ASIC2: variants seen among roughly 807,000 people sequenced by gnomAD.
ASIC2 encodes the protein acid-sensing ion channel 2.
A neutral mutation model predicts 57.3 loss-of-function variants in ASIC2; 25 were observed. That is an observed-to-expected ratio of 0.44 (90% confidence interval 0.32 to 0.61). ASIC2 has a LOEUF of 0.61. ASIC2 is among the 20% of genes least tolerant of loss of function. The pLI is 0.06. For synonymous variants in ASIC2, 319 were observed against 307.5 expected, an observed-to-expected ratio of 1.04 and a Z score of -0.39; for missense variants, 641 against 738.1, an observed-to-expected ratio of 0.87 and a Z score of 1.52.
At chr17:33,343,593 A>C (rs1387663200) in intron 1 of ASIC2, among the ~76,000 whole-genome samples, 2 of 151,976 alleles carry the variant, frequency 1.3e-5, no homozygotes, top group Non-Finnish European at 2.9e-5. Context: ...GTATGTACTC[A>C]AGCCATCTCT....
At chr17:34,004,428 G>A (rs1178445810) in intron 1 of ASIC2, 1 of 152,302 alleles carries the variant, frequency 6.6e-6, no homozygotes, top group African/African-American at 2.4e-5. Flanking sequence ...GGAATTAAGC[G>A]ATCTGTCTTG....
chr17:33,194,114 A>G (rs1184998697), intron 1 of ASIC2, among the ~76,000 whole-genome samples: 1 of 152,048 alleles, frequency 6.6e-6, no homozygotes, highest in Non-Finnish European at 1.5e-5. Context: ...GCCTTCTCAA[A>G]TCATTCTAGG....
intron 1 of ASIC2, chr17:34,080,972 C>G (rs1344205442): frequency 1.3e-5 from 2 of 152,146 alleles, no homozygotes; most frequent in Admixed American, 1.3e-4. Context: ...TGAAGACTCC[C>G]TTCTTCTAAA....
intron 1 of ASIC2, among the ~76,000 whole-genome samples, chr17:33,145,794 A>G (rs1904536767): frequency 6.6e-6 from 1 of 152,156 alleles, no homozygotes; most frequent in African/African-American, 2.4e-5. Flanking sequence ...TCGCCCCATG[A>G]CCAAATAGTC....
At chr17:33,628,824 A>G (rs1906068545) in intron 1 of ASIC2, among the ~76,000 whole-genome samples, 1 of 152,238 alleles carries the variant, frequency 6.6e-6, no homozygotes, top group South Asian at 2.1e-4. Context: ...GAATTTATCA[A>G]TGCCAATGTT....
intron 1 of ASIC2, among the ~76,000 whole-genome samples, chr17:33,388,782 T>C (rs1186698479): frequency 1.3e-5 from 2 of 152,226 alleles, no homozygotes; most frequent in African/African-American, 4.8e-5. Context: ...TGACTTAATA[T>C]AGCAAATGTT....
intron 1 of ASIC2, among the ~76,000 whole-genome samples, chr17:33,449,336 A>C (rs1272006498): frequency 1.3e-5 from 2 of 152,196 alleles, no homozygotes; most frequent in African/African-American, 2.4e-5. Flanking sequence ...ACTCTCTGGC[A>C]GTCAAGATCT....
At chr17:33,956,840 T>A (rs1165447074) in intron 1 of ASIC2, among the ~76,000 whole-genome samples, 1 of 152,226 alleles carries the variant, frequency 6.6e-6, no homozygotes, top group East Asian at 1.9e-4. Context: ...ATGAGCCTGC[T>A]CCTTTTGGTT....
intron 1 of ASIC2, among the ~76,000 whole-genome samples, chr17:33,598,360 G>T (rs1345710543): frequency 6.6e-6 from 1 of 152,220 alleles, no homozygotes; most frequent in Non-Finnish European, 1.5e-5. Context: ...GCCTCCACCA[G>T]CAGGGCTGGT....
chr17:33,170,816 T>C (rs1905487129), intron 1 of ASIC2, among the ~76,000 whole-genome samples: 1 of 152,212 alleles, frequency 6.6e-6, no homozygotes, highest in African/African-American at 2.4e-5. Context: ...TCCCATCAAA[T>C]ATTCACTCTA....
chr17:33,783,682 A>T (rs1911522319), intron 1 of ASIC2, among the ~76,000 whole-genome samples: 1 of 152,178 alleles, frequency 6.6e-6, no homozygotes, highest in Non-Finnish European at 1.5e-5. Flanking sequence ...GTTTGTTTTC[A>T]GAATAGGATA....
intron 1 of ASIC2, among the ~76,000 whole-genome samples, chr17:33,131,239 T>A (rs2092344984): frequency 6.6e-6 from 1 of 152,154 alleles, no homozygotes; most frequent in African/African-American, 2.4e-5. Context: ...GGGATGAGTG[T>A]CTGCATGGCT....
intron 1 of ASIC2, among the ~76,000 whole-genome samples, chr17:33,488,126 C>T (rs1293874453): frequency 6.6e-6 from 1 of 152,168 alleles, no homozygotes; most frequent in Admixed American, 6.5e-5. Flanking sequence ...TATTTTTCTA[C>T]AGAGCTGAGC....
chr17:33,575,270 G>T (rs182357656), intron 1 of ASIC2, among the ~76,000 whole-genome samples: 30 of 152,280 alleles, frequency 2.0e-4, no homozygotes, highest in Non-Finnish European at 3.7e-4. Context: ...TGAGTCCCCA[G>T]GGCTTCTGTA....
chr17:33,943,838 T>G (rs1250611613), intron 1 of ASIC2, among the ~76,000 whole-genome samples: 1 of 152,186 alleles, frequency 6.6e-6, no homozygotes, highest in Non-Finnish European at 1.5e-5. Context: ...GTGAGTATTG[T>G]TATCCCCGTT....
At chr17:33,201,349 A>T (rs1044610469) in intron 1 of ASIC2, among the ~76,000 whole-genome samples, 5 of 152,176 alleles carry the variant, frequency 3.3e-5, no homozygotes, top group Non-Finnish European at 4.4e-5. Context: ...GCAGCCCTCC[A>T]GTAGCCTGGG....
chr17:33,558,397 T>G (rs1407347304), intron 1 of ASIC2, among the ~76,000 whole-genome samples: 1 of 152,252 alleles, frequency 6.6e-6, no homozygotes, highest in Non-Finnish European at 1.5e-5. Context: ...TTGTTCAGTT[T>G]CTGGCTGATG....
At chr17:33,683,386 T>G (rs1035854068) in intron 1 of ASIC2, among the ~76,000 whole-genome samples, 1 of 152,218 alleles carries the variant, frequency 6.6e-6, no homozygotes, top group East Asian at 1.9e-4. Flanking sequence ...TTTTAATTCT[T>G]TTGAAGACAA....
At chr17:33,948,950 A>G (rs1904471662) in intron 1 of ASIC2, among the ~76,000 whole-genome samples, 2 of 152,108 alleles carry the variant, frequency 1.3e-5, no homozygotes, top group Non-Finnish European at 2.9e-5. Flanking sequence ...CAACTACTCA[A>G]TTTTTTCACT....
Sources: allele counts gnomAD v4.1 joint callset (sites outside exome capture counted in the v4.1 genomes callset), GRCh38; gene constraint gnomAD v4.1.1; transcripts MANE v1.5; gene names NCBI Gene and HGNC (gene_info 2026-07-23, HGNC 2026-07-21).